Variants in COMMD1 observed in about 807,000 individuals in gnomAD.
COMMD1 encodes copper metabolism domain containing 1.
A neutral mutation model predicts 17.2 loss-of-function variants in COMMD1; 10 were observed. The ratio of observed to expected loss-of-function variants is 0.58; its 90% CI spans 0.36 to 0.99. COMMD1 has a LOEUF of 0.99. Among genes scored for constraint, COMMD1 ranks in the 50% least tolerant of loss-of-function variants. The pLI, the probability that COMMD1 is intolerant of heterozygous loss-of-function variation, is 0.01. For missense variants in COMMD1, 270 were observed against 231.8 expected (o/e 1.17, Z -1.07); for synonymous variants, 97 against 91.6 (o/e 1.06, Z -0.34).
intron 2 of COMMD1, among the ~76,000 whole-genome samples, chr2:62,005,707 G>A (rs2103817242): frequency 6.6e-6 from 1 of 152,196 alleles, no homozygotes; most frequent in Non-Finnish European, 1.5e-5. Context: ...AGGTGCTGGA[G>A]AGGATGTGGA....
In COMMD1 at chr2:62,031,378, C is replaced by T. The variant is rs554874236; in HGVS notation, c.462+30396C>T. 2.0e-5 allele frequency among the ~76,000 whole-genome samples: 3 copies of T among 152,238 alleles called. No homozygotes were observed. In the South Asian group the frequency reaches 6.2e-4, roughly 32 times the overall value. Reference sequence around the variant, plus strand: ...CAGTAGTTACTGTTTTGTGTTTGATCTTTTAAGCACCCAACTCTGTTGCTA... The same window carrying T: ...CAGTAGTTACTGTTTTGTGTTTGATTTTTTAAGCACCCAACTCTGTTGCTA... On this transcript the variant is annotated intron_variant, in intron 2 of 2. Transcript: ENST00000311832.
intron 2 of COMMD1, among the ~76,000 whole-genome samples, chr2:62,053,522 A>G (rs988700503): frequency 3.3e-5 from 5 of 152,214 alleles, no homozygotes; most frequent in African/African-American, 9.6e-5. Context: ...GTAAGAAAAA[A>G]GAATGAAGAG....
intron 2 of COMMD1, among the ~76,000 whole-genome samples, chr2:62,072,790 G>C (rs956463385): frequency 6.6e-6 from 1 of 152,198 alleles, no homozygotes; most frequent in Non-Finnish European, 1.5e-5. Context: ...AGGCACACCT[G>C]GTCCAGCCAC....
intron 2 of COMMD1, among the ~76,000 whole-genome samples, chr2:62,047,412 C>T (rs990599074): frequency 6.6e-6 from 1 of 152,168 alleles, no homozygotes; most frequent in Non-Finnish European, 1.5e-5. Flanking sequence ...CCTGAGCATC[C>T]TCCAGTCCTG....
At chr2:62,081,285 T>C (rs556096903) in intron 2 of COMMD1, among the ~76,000 whole-genome samples, 1 of 151,152 alleles carries the variant, frequency 6.6e-6, no homozygotes, top group East Asian at 1.9e-4. Context: ...AGAGTCTCAC[T>C]GTGTTGCCCA....
intron 1 of COMMD1, among the ~76,000 whole-genome samples, chr2:61,917,793 A>G (rs1670088172): frequency 6.6e-6 from 1 of 152,228 alleles, no homozygotes; most frequent in Non-Finnish European, 1.5e-5. Context: ...GGCTTCCCAA[A>G]GTGCTGGGAT....
chr2:61,920,975 A>ATGTGTGTG (rs1399921970), intron 1 of COMMD1, among the ~76,000 whole-genome samples: 1 of 135,344 alleles, frequency 7.4e-6, no homozygotes, highest in African/African-American at 2.9e-5. Context: ...GTATATATAT[A>ATGTGTGTG]TATATATTTT....
intron 1 of COMMD1, among the ~76,000 whole-genome samples, chr2:61,959,400 A>G (rs1360548198): frequency 6.6e-6 from 1 of 152,240 alleles, no homozygotes; most frequent in African/African-American, 2.4e-5. Flanking sequence ...TTTTTAGGAA[A>G]TAATACGTGA....
At chr2:62,017,950 A>T (rs1043281527) in intron 2 of COMMD1, among the ~76,000 whole-genome samples, 1 of 151,118 alleles carries the variant, frequency 6.6e-6, no homozygotes, top group African/African-American at 2.4e-5. Context: ...AGGCTGAGAT[A>T]GGAGGATCAC....
intron 1 of COMMD1, among the ~76,000 whole-genome samples, chr2:61,943,787 A>C (rs1670831185): frequency 6.6e-6 from 1 of 152,194 alleles, no homozygotes; most frequent in Non-Finnish European, 1.5e-5. Context: ...GTGGGCCGAG[A>C]TCCCGCCATT....
chr2:61,925,993 C>T lies in COMMD1; in HGVS notation c.180+20135C>T, dbSNP rs142999980. Among the ~76,000 whole-genome samples, 701 of 151,266 alleles carry T rather than the reference C, an allele frequency of 4.6e-3. 3 individuals carry two copies. The highest frequency in any genetic ancestry group is 0.016 in the African/African-American group (659 of 41,170). On this transcript the variant is annotated intron_variant, in intron 1 of 2. Coordinates refer to ENST00000311832, the MANE Select transcript of COMMD1 (RefSeq NM_152516.4). ...TTTGTTTTTGTTTTTGTTTTTGAGA[C>T]GGACTCTTGCTCTTTTGCCCAGGCT...
intron 2 of COMMD1, among the ~76,000 whole-genome samples, chr2:62,047,586 C>G (rs535490438): frequency 6.6e-6 from 1 of 152,058 alleles, no homozygotes; most frequent in Admixed American, 6.6e-5. Flanking sequence ...TCCTGAGTAG[C>G]TGGGACTACA....
chr2:62,038,203 G>A (rs1670090382), intron 2 of COMMD1, among the ~76,000 whole-genome samples: 1 of 152,134 alleles, frequency 6.6e-6, no homozygotes, highest in African/African-American at 2.4e-5. Flanking sequence ...CAGGAGAATT[G>A]CTTGAATCCA....
chr2:61,979,107 C>G lies in COMMD1; in HGVS notation c.181-21594C>G, dbSNP rs1233136510. Among the ~76,000 whole-genome samples, 3 of 151,986 alleles carry G rather than the reference C, an allele frequency of 2.0e-5. No individual in the cohort carries two copies. The East Asian group carries it at 5.8e-4, about 29-fold the overall frequency. ...ATTAGTGATCCCCACTTCCACTGCC[C>G]CCACCTCCCACTATCCTTCCCAGCC... On this transcript the variant is annotated intron_variant, in intron 1 of 2. Transcript: ENST00000311832.
intron 1 of COMMD1, among the ~76,000 whole-genome samples, chr2:61,977,789 C>A (rs1388366354): frequency 6.6e-6 from 1 of 151,960 alleles, no homozygotes; most frequent in South Asian, 2.1e-4. Context: ...CAGTTTGAGA[C>A]CAGCCTGGCC....
intron 1 of COMMD1, among the ~76,000 whole-genome samples, chr2:61,944,420 C>T (rs1301364114): frequency 6.6e-6 from 1 of 151,756 alleles, no homozygotes; most frequent in Admixed American, 6.6e-5. Context: ...CAGAGGACTC[C>T]AGCCTGGGTA....
chr2:61,955,932 C>T (rs187481683), intron 1 of COMMD1, among the ~76,000 whole-genome samples: 1 of 152,306 alleles, frequency 6.6e-6, no homozygotes, highest in East Asian at 1.9e-4. Context: ...GGTGATCTGC[C>T]CGCCTTGGCC....
chr2:62,043,032 CTG>C (rs1425327764), intron 2 of COMMD1, among the ~76,000 whole-genome samples: 1 of 152,224 alleles, frequency 6.6e-6, no homozygotes, highest in Non-Finnish European at 1.5e-5. Flanking sequence ...CTAAGGAACT[CTG>C]AGTCTACAGT....
chr2:62,072,305 A>T (rs1671218557), intron 2 of COMMD1, among the ~76,000 whole-genome samples: 1 of 152,018 alleles, frequency 6.6e-6, no homozygotes, highest in Admixed American at 6.6e-5. Context: ...AACTTCCTCG[A>T]TGCCTTTTAA....
Sources: gnomAD v4.1 joint callset for allele counts (sites outside exome capture counted in the v4.1 genomes callset) on GRCh38, gnomAD v4.1.1 for gene constraint, MANE v1.5 for transcripts, NCBI Gene and HGNC (gene_info 2026-07-23, HGNC 2026-07-21) for gene names.